The following AGBL4 variants were observed in gnomAD, a reference collection of about 807,000 sequenced individuals.
The protein encoded by AGBL4 is AGBL carboxypeptidase 4, also known as cytosolic carboxypeptidase 6.
A neutral mutation model predicts 66.4 loss-of-function variants in AGBL4; 58 were observed. The observed-to-expected ratio is 0.87, with a 90% CI of 0.71 to 1.09. AGBL4 has a LOEUF of 1.09. Among genes scored for constraint, AGBL4 ranks in the 50% least tolerant of loss-of-function variants. The probability of loss-of-function intolerance (pLI) is 0.00; values close to 1 mark genes in which losing one functional copy is unlikely to be tolerated. For missense variants in AGBL4, 579 were observed against 631.0 expected, an observed-to-expected ratio of 0.92 and a Z score of 0.88; for synonymous variants, 234 against 222.9, an observed-to-expected ratio of 1.05 and a Z score of -0.44.
chr1:49,568,026 GC>G (rs1354303298), intron 3 of AGBL4, among the ~76,000 whole-genome samples: 2 of 152,066 alleles, frequency 1.3e-5, no homozygotes, highest in Admixed American at 6.6e-5. Flanking sequence ...ATTGGCAAAA[GC>G]TGGACGAATT....
chr1:49,974,646 T>C (rs1658413487), intron 1 of AGBL4, among the ~76,000 whole-genome samples: 1 of 152,178 alleles, frequency 6.6e-6, no homozygotes, highest in African/African-American at 2.4e-5. Context: ...TGCTATAGCA[T>C]GTCATCATCT....
intron 6 of AGBL4, among the ~76,000 whole-genome samples, chr1:48,782,572 A>G (rs1439016144): frequency 6.6e-6 from 1 of 152,198 alleles, no homozygotes; most frequent in Non-Finnish European, 1.5e-5. Flanking sequence ...ATGTTTGATT[A>G]GACTTTTCAA....
At position 49,902,486 on chromosome 1, in the gene AGBL4, C is replaced by T. The variant is rs146297577; in HGVS notation, c.35-50968G>A. Among the ~76,000 whole-genome samples, 880 of 152,236 alleles carry T rather than the reference C, an allele frequency of 5.8e-3. 11 individuals are homozygous for T. The highest frequency in any genetic ancestry group is 0.02 in the African/African-American group (841 of 41,534). Reference sequence around the variant, plus strand: ...AAATCAGGCCGGGTGTGGTGGCTCACGCCTGTAATCTCAGCACTTTGGGAG... The same window carrying T: ...AAATCAGGCCGGGTGTGGTGGCTCATGCCTGTAATCTCAGCACTTTGGGAG... On this transcript the variant is annotated intron_variant, in intron 1 of 13. Transcript: ENST00000371839.
chr1:50,017,123 G>A (rs1662046001), intron 1 of AGBL4: 2 of 152,014 alleles, frequency 1.3e-5, no homozygotes. Flanking sequence ...GAAGCCATCA[G>A]CAAATATTTC....
chr1:49,159,180 T>G (rs1646492950), intron 4 of AGBL4, among the ~76,000 whole-genome samples: 1 of 152,084 alleles, frequency 6.6e-6, no homozygotes. Flanking sequence ...CAGTTTGGTC[T>G]GTTTTTGCAC....
intron 1 of AGBL4, among the ~76,000 whole-genome samples, chr1:49,977,662 C>G (rs1255448078): frequency 6.6e-6 from 1 of 152,136 alleles, no homozygotes; most frequent in Non-Finnish European, 1.5e-5. Context: ...CGTTTTATTT[C>G]ACTTCATTTT....
intron 6 of AGBL4, among the ~76,000 whole-genome samples, chr1:48,667,380 C>T (rs1570186313): frequency 6.6e-6 from 1 of 152,180 alleles, no homozygotes; most frequent in Non-Finnish European, 1.5e-5. Flanking sequence ...TGGTGAGGTA[C>T]TAAAGTACCC....
At position 48,841,916 on chromosome 1, in the gene AGBL4, T is replaced by G. The variant is rs189945156; in HGVS notation, c.634+25275A>C. On this transcript the variant is annotated intron_variant, in intron 6 of 13. Coordinates refer to ENST00000371839, the MANE Select transcript of AGBL4 (RefSeq NM_032785.4). ...TTTACAGAGCACATGTAATTGCTTTTGGGCACATGCAAATGACATGCAAAT... is the reference window on the plus strand; with the variant it reads ...TTTACAGAGCACATGTAATTGCTTTGGGGCACATGCAAATGACATGCAAAT... Among the ~76,000 whole-genome samples the G allele has an allele frequency of 3.1e-3, 473 of 152,328 alleles. 3 individuals carry two copies. Among genetic ancestry groups the G allele is most frequent in the African/African-American group, 0.01 (421 of 41,576 alleles).
intron 2 of AGBL4, among the ~76,000 whole-genome samples, chr1:49,787,393 C>G (rs1183190906): frequency 6.6e-6 from 1 of 151,524 alleles, no homozygotes; most frequent in African/African-American, 2.4e-5. Context: ...GTCCCAGCTA[C>G]TAGGGAGGCT....
intron 3 of AGBL4, among the ~76,000 whole-genome samples, chr1:49,548,004 C>T (rs1337267377): frequency 3.3e-5 from 5 of 152,080 alleles, no homozygotes; most frequent in Admixed American, 2.6e-4. Flanking sequence ...GAACTCCTGA[C>T]CTTGTGATCC....
At chr1:49,538,752 T>C (rs1387379573) in intron 3 of AGBL4, among the ~76,000 whole-genome samples, 1 of 152,192 alleles carries the variant, frequency 6.6e-6, no homozygotes, top group African/African-American at 2.4e-5. Context: ...AAAAATATTG[T>C]TTTTCATCTA....
At chr1:49,560,409 C>T (rs1333937459) in intron 3 of AGBL4, among the ~76,000 whole-genome samples, 1 of 151,830 alleles carries the variant, frequency 6.6e-6, no homozygotes, top group Non-Finnish European at 1.5e-5. Context: ...TGAAGACAGG[C>T]TATTTAAAAT....
chr1:49,605,976 T>C (rs1049157488), intron 3 of AGBL4, among the ~76,000 whole-genome samples: 1 of 152,174 alleles, frequency 6.6e-6, no homozygotes, highest in Non-Finnish European at 1.5e-5. Context: ...GCATTCTCTA[T>C]AATTCTACCT....
intron 2 of AGBL4, among the ~76,000 whole-genome samples, chr1:49,848,927 G>A (rs1488849531): frequency 6.6e-6 from 1 of 152,126 alleles, no homozygotes; most frequent in African/African-American, 2.4e-5. Context: ...TCACTTTTAA[G>A]AAGCAAGGAT....
chr1:49,878,074 C>A (rs1279309770), intron 1 of AGBL4, among the ~76,000 whole-genome samples: 2 of 150,808 alleles, frequency 1.3e-5, no homozygotes, highest in Non-Finnish European at 2.9e-5. Flanking sequence ...GTCTTGCTAG[C>A]GGTCTATCAA....
At chr1:49,456,358 T>A (rs1259557068) in intron 3 of AGBL4, among the ~76,000 whole-genome samples, 1 of 151,740 alleles carries the variant, frequency 6.6e-6, no homozygotes, top group Non-Finnish European at 1.5e-5. Flanking sequence ...AATCATTGTA[T>A]GCACGAACAG....
intron 3 of AGBL4, among the ~76,000 whole-genome samples, chr1:49,446,399 T>G (rs1429100222): frequency 6.6e-6 from 1 of 152,304 alleles, no homozygotes; most frequent in Middle Eastern, 3.4e-3. Flanking sequence ...TTGGCTTTGA[T>G]TCTGGGTATG....
chr1:48,722,768 G>GT (rs1042323394), intron 6 of AGBL4, among the ~76,000 whole-genome samples: 2 of 152,202 alleles, frequency 1.3e-5, no homozygotes, highest in Admixed American at 1.3e-4. Context: ...AAGTCGGAGA[G>GT]TAAGAGGTGA....
chr1:48,753,028 G>A (rs977051272), intron 6 of AGBL4, among the ~76,000 whole-genome samples: 2 of 152,206 alleles, frequency 1.3e-5, no homozygotes, highest in African/African-American at 2.4e-5. Context: ...GATTACAGGC[G>A]TGAGCCACTG....
Sources: allele counts gnomAD v4.1 joint callset (sites outside exome capture counted in the v4.1 genomes callset), GRCh38; gene constraint gnomAD v4.1.1; transcripts MANE v1.5; gene names NCBI Gene and HGNC (gene_info 2026-07-23, HGNC 2026-07-21).